The following SHTN1 variants were observed in gnomAD, a reference collection of about 807,000 sequenced individuals.
The protein encoded by SHTN1 is shootin-1.
SHTN1 carries 42 observed loss-of-function variants against 83.1 expected under a neutral mutation model. The observed-to-expected ratio is 0.51, with a 90% CI of 0.39 to 0.65. The LOEUF is 0.65. SHTN1 is among the 30% of genes least tolerant of loss of function. The pLI is 0.00. For synonymous variants in SHTN1, 224 were observed against 247.7 expected (o/e 0.90, Z 0.90); for missense variants, 622 against 737.8 (o/e 0.84, Z 1.82).
intron 16 of SHTN1, chr10:116,900,636 T>C: frequency 2.6e-6 from 4 of 1,519,834 alleles, no homozygotes; most frequent in Admixed American, 2.0e-5. Flanking sequence ...TGTGTCTGGA[T>C]ATTGGTTCAA....
chr10:117,065,773 A>G (rs188394011), intron 1 of SHTN1, among the ~76,000 whole-genome samples: 8 of 22,020 alleles, frequency 3.6e-4, no homozygotes, highest in East Asian at 1.6e-3. Flanking sequence ...AGAAAGAAAG[A>G]AAGAAAGAAA....
At chr10:116,918,379 CCTT>C (rs1564875903) in intron 12 of SHTN1, among the ~76,000 whole-genome samples, 2 of 150,848 alleles carry the variant, frequency 1.3e-5, no homozygotes. Context: ...CTAAATAAAA[CCTT>C]CTGCTATTAC....
chr10:117,103,481 A>C (rs1853625736), intron 1 of SHTN1, among the ~76,000 whole-genome samples: 1 of 147,554 alleles, frequency 6.8e-6, no homozygotes, highest in African/African-American at 2.5e-5. Flanking sequence ...GGGTCTTGAG[A>C]GCTACTCTTT....
intron 2 of SHTN1, among the ~76,000 whole-genome samples, chr10:117,027,386 A>G (rs1029181312): frequency 1.3e-5 from 2 of 152,130 alleles, no homozygotes; most frequent in African/African-American, 2.4e-5. Context: ...TCCACTGCCC[A>G]CTGAGGCCTC....
intron 4 of SHTN1, among the ~76,000 whole-genome samples, chr10:116,954,710 G>A (rs546360683): frequency 1.3e-5 from 2 of 152,252 alleles, no homozygotes; most frequent in African/African-American, 4.8e-5. Flanking sequence ...TTAGTCCAGG[G>A]ATTAAACACA....
At chr10:116,955,142 A>AT (rs1849937282) in intron 4 of SHTN1, among the ~76,000 whole-genome samples, 1 of 147,034 alleles carries the variant, frequency 6.8e-6, no homozygotes, top group Admixed American at 6.8e-5. Context: ...TTGTTAATGT[A>AT]TTTTTTATTC....
chr10:116,912,048 A>G (rs1251098831), intron 13 of SHTN1, among the ~76,000 whole-genome samples: 1 of 152,216 alleles, frequency 6.6e-6, no homozygotes, highest in Non-Finnish European at 1.5e-5. Context: ...AAAAAATAAG[A>G]AGTTATATTC....
At chr10:117,116,939 C>T (rs543736274) in intron 1 of SHTN1, among the ~76,000 whole-genome samples, 1 of 151,986 alleles carries the variant, frequency 6.6e-6, no homozygotes, top group Non-Finnish European at 1.5e-5. Context: ...TATGACAAAC[C>T]CACAACTAAC....
At chr10:116,937,087 C>G (rs902936933) in intron 9 of SHTN1, among the ~76,000 whole-genome samples, 32 of 149,982 alleles carry the variant, frequency 2.1e-4, no homozygotes, top group African/African-American at 7.9e-4. Flanking sequence ...CTGAATACAG[C>G]ACACCGATGG....
At chr10:116,896,720 C>T (rs920061937) in intron 16 of SHTN1, among the ~76,000 whole-genome samples, 5 of 151,924 alleles carry the variant, frequency 3.3e-5, no homozygotes, top group Non-Finnish European at 5.9e-5. Flanking sequence ...AAGCAGTCGT[C>T]TCATCTTCTC....
At chr10:116,958,957 T>C (rs1850081176) in intron 4 of SHTN1, among the ~76,000 whole-genome samples, 2 of 152,190 alleles carry the variant, frequency 1.3e-5, no homozygotes, top group South Asian at 4.1e-4. Context: ...GGATGTGCTA[T>C]GACAACAGGA....
chr10:116,899,610 G>T (rs1783255371), intron 16 of SHTN1, among the ~76,000 whole-genome samples: 1 of 151,192 alleles, frequency 6.6e-6, no homozygotes, highest in African/African-American at 2.4e-5. Flanking sequence ...ACTGTCATTG[G>T]CATCCTCCCT....
chr10:117,011,152 A>G (rs999450248), intron 2 of SHTN1, among the ~76,000 whole-genome samples: 6 of 152,258 alleles, frequency 3.9e-5, no homozygotes, highest in African/African-American at 1.4e-4. Context: ...ATATAGCTAT[A>G]TAGAGAAAAT....
intron 2 of SHTN1, among the ~76,000 whole-genome samples, chr10:117,041,901 T>G (rs1314294003): frequency 1.3e-5 from 2 of 152,168 alleles, no homozygotes; most frequent in African/African-American, 4.8e-5. Flanking sequence ...ACCAACAGAA[T>G]GATATTCCCA....
chr10:116,913,077 C>G (rs909167910), intron 13 of SHTN1, among the ~76,000 whole-genome samples: 1 of 152,192 alleles, frequency 6.6e-6, no homozygotes, highest in South Asian at 2.1e-4. Flanking sequence ...ACCACCACTA[C>G]CACCAAGGAA....
chr10:116,934,364 C>T (rs906406339), intron 9 of SHTN1, among the ~76,000 whole-genome samples: 4 of 152,120 alleles, frequency 2.6e-5, no homozygotes, highest in African/African-American at 9.7e-5. Context: ...AGGAAGAGGT[C>T]CAGTTTCAGT....
intron 1 of SHTN1, among the ~76,000 whole-genome samples, chr10:117,076,182 C>CAA (rs10595400): frequency 3.0e-5 from 3 of 99,434 alleles, no homozygotes; most frequent in African/African-American, 1.1e-4. Flanking sequence ...GACCCTGTCT[C>CAA]AAAAAAAAAA....
chr10:116,926,123 G>A (rs1848735683), intron 11 of SHTN1, among the ~76,000 whole-genome samples: 1 of 152,026 alleles, frequency 6.6e-6, no homozygotes, highest in South Asian at 2.1e-4. Context: ...TCACACTTGA[G>A]ACACAAATAG....
intron 13 of SHTN1, among the ~76,000 whole-genome samples, chr10:116,914,936 T>C (rs1305037559): frequency 1.3e-5 from 2 of 152,194 alleles, no homozygotes; most frequent in Non-Finnish European, 2.9e-5. Flanking sequence ...GCTGTTGTTA[T>C]TATGTGATTC....
Sources: gnomAD v4.1 joint callset for allele counts (sites outside exome capture counted in the v4.1 genomes callset) on GRCh38, gnomAD v4.1.1 for gene constraint, MANE v1.5 for transcripts, NCBI Gene and HGNC (gene_info 2026-07-23, HGNC 2026-07-21) for gene names.